Variants in SOX6 observed in about 807,000 individuals in gnomAD.
SOX6 encodes SRY-box transcription factor 6, also known as transcription factor SOX-6.
SOX6 carries 11 observed loss-of-function variants against 97.8 expected under a neutral mutation model. The observed-to-expected ratio is 0.11, with a 90% CI of 0.07 to 0.19. The LOEUF (loss-of-function observed/expected upper bound fraction) is 0.19. SOX6 is among the 10% of genes least tolerant of loss of function. SOX6 has a pLI of 1.00. For missense variants in SOX6, 810 were observed against 1,039.5 expected, an observed-to-expected ratio of 0.78 and a Z score of 3.04; for synonymous variants, 360 against 371.4, an observed-to-expected ratio of 0.97 and a Z score of 0.35.
intron 6 of SOX6, among the ~76,000 whole-genome samples, chr11:16,153,147 G>GA (rs1327299472): frequency 6.6e-6 from 1 of 152,092 alleles, no homozygotes; most frequent in African/African-American, 2.4e-5. Context: ...TTACAGGCAT[G>GA]AGCCACCATG....
chr11:16,078,894 T>C (rs1286273822), intron 9 of SOX6, among the ~76,000 whole-genome samples: 3 of 152,058 alleles, frequency 2.0e-5, no homozygotes, highest in Non-Finnish European at 4.4e-5. Flanking sequence ...GCTTGGAATG[T>C]TTGAGGAATA....
intron 4 of SOX6, among the ~76,000 whole-genome samples, chr11:16,197,298 G>C (rs1202241118): frequency 6.6e-6 from 1 of 152,050 alleles, no homozygotes; most frequent in Non-Finnish European, 1.5e-5. Context: ...CATCCTAGTG[G>C]GTGTGGCTGT....
At chr11:16,218,825 T>C (rs949057814) in intron 4 of SOX6, among the ~76,000 whole-genome samples, 10 of 152,080 alleles carry the variant, frequency 6.6e-5, no homozygotes, top group African/African-American at 2.4e-4. Context: ...CCTCCTTTCA[T>C]TTAATACTTG....
chr11:16,602,550 C>T (rs1323353834), intron 4 of SOX6, among the ~76,000 whole-genome samples: 2 of 152,142 alleles, frequency 1.3e-5, no homozygotes, highest in African/African-American at 4.8e-5. Flanking sequence ...CATGTGCTCA[C>T]ATATGTGTAT....
At position 16,580,112 on chromosome 11, in the gene SOX6, T is replaced by C. The variant is rs141390937; in HGVS notation, n.609+31969A>G. Among the ~76,000 whole-genome samples, 689 of 152,286 alleles carry C rather than the reference T, an allele frequency of 4.5e-3. 5 individuals are homozygous for C. Among genetic ancestry groups the C allele is most frequent in the Middle Eastern group, 0.031 (9 of 294 alleles). The stretch of plus-strand genomic sequence containing the variant: ...AGCCAGCAGCACTGATGAAAAGCAG[T>C]AAAGACATTACCTGGGTCATTGATT... On this transcript the variant is annotated intron_variant and non_coding_transcript_variant, in intron 4 of 5. Transcript: ENST00000524520.
At chr11:16,375,307 A>AT (rs1242457950) in intron 1 of SOX6, among the ~76,000 whole-genome samples, 3 of 152,070 alleles carry the variant, frequency 2.0e-5, no homozygotes, top group African/African-American at 4.8e-5. Flanking sequence ...TTGAAATCAG[A>AT]TTTTTTGCAT....
At chr11:16,462,849 G>T (rs1370423812) in intron 1 of SOX6, among the ~76,000 whole-genome samples, 1 of 152,206 alleles carries the variant, frequency 6.6e-6, no homozygotes, top group Non-Finnish European at 1.5e-5. Flanking sequence ...TTAAGGGTCA[G>T]TTGCAGAGAA....
At chr11:16,012,847 TA>T (rs1854773737) in intron 13 of SOX6, among the ~76,000 whole-genome samples, 1 of 151,956 alleles carries the variant, frequency 6.6e-6, no homozygotes, top group African/African-American at 2.4e-5. Flanking sequence ...AAAATGTGGG[TA>T]AAAGGCGTAA....
intron 3 of SOX6, among the ~76,000 whole-genome samples, chr11:16,663,993 T>A (rs1171272178): frequency 6.6e-6 from 1 of 152,134 alleles, no homozygotes; most frequent in Non-Finnish European, 1.5e-5. Flanking sequence ...AAGACTCCAC[T>A]GGCCAGGTGT....
chr11:16,131,368 T>C (rs1849735626), intron 6 of SOX6, among the ~76,000 whole-genome samples: 1 of 151,836 alleles, frequency 6.6e-6, no homozygotes, highest in Non-Finnish European at 1.5e-5. Flanking sequence ...ACATCACCCA[T>C]CACCCAAGAA....
chr11:16,198,326 T>G, intron 4 of SOX6, among the ~76,000 whole-genome samples: 1 of 150,478 alleles, frequency 6.6e-6, no homozygotes, highest in East Asian at 2.0e-4. Flanking sequence ...TCCACCCACC[T>G]TGGCCTCCCA....
chr11:16,436,808 A>G (rs1284308375), intron 1 of SOX6, among the ~76,000 whole-genome samples: 2 of 152,170 alleles, frequency 1.3e-5, no homozygotes, highest in Admixed American at 1.3e-4. Flanking sequence ...ACTGTCTGAC[A>G]TCTCCACATA....
At chr11:16,340,123 ATG>A (rs1856585630) in intron 2 of SOX6, among the ~76,000 whole-genome samples, 1 of 152,076 alleles carries the variant, frequency 6.6e-6, no homozygotes, top group African/African-American at 2.4e-5. Flanking sequence ...GAATTTAAAT[ATG>A]TGTTATTAGT....
chr11:16,667,619 A>T (rs1285216249), intron 3 of SOX6, among the ~76,000 whole-genome samples: 2 of 152,112 alleles, frequency 1.3e-5, no homozygotes, highest in Non-Finnish European at 2.9e-5. Context: ...GGAAATAAAG[A>T]CTTTCTCAGA....
intron 3 of SOX6, among the ~76,000 whole-genome samples, chr11:16,294,735 TTTTA>T (rs1235302394): frequency 3.3e-5 from 5 of 152,074 alleles, no homozygotes; most frequent in Admixed American, 1.3e-4. Flanking sequence ...AAAAAATTGT[TTTTA>T]TTTGTCATTA....
At chr11:16,380,691 ACCACTT>A (rs1857785226) in intron 1 of SOX6, among the ~76,000 whole-genome samples, 1 of 152,136 alleles carries the variant, frequency 6.6e-6, no homozygotes, top group Non-Finnish European at 1.5e-5. Flanking sequence ...TAATGATGAA[ACCACTT>A]ACATGTCAAC....
chr11:16,153,894 C>G lies in SOX6; in HGVS notation c.777+29992G>C, dbSNP rs190517219. Among the ~76,000 whole-genome samples the G allele has an allele frequency of 1.0e-3, 154 of 152,218 alleles. 1 individual carries two copies. The Middle Eastern group carries it at 0.014, about 14-fold the overall frequency. On this transcript the variant is annotated intron_variant, in intron 6 of 15. Transcript: ENST00000683767. ...TATAATGAAGTTTAACTTCTTTTCT[C>G]TGGAGAGTACCACACAATCTTATTA...
In SOX6 at chr11:16,560,598, C is replaced by CATAT. The variant is rs1565180729; in HGVS notation, n.609+51482_609+51483insATAT. ...ATACGTACATATATGTTTATACGTA[C>CATAT]ATGTATGTTTATACGTACATATATG... On this transcript the variant is annotated intron_variant and non_coding_transcript_variant, in intron 4 of 5. Coordinates refer to the SOX6 transcript ENST00000524520. Among the ~76,000 whole-genome samples, 15 of 111,896 alleles carry CATAT rather than the reference C, an allele frequency of 1.3e-4. 2 individuals are homozygous for CATAT. Among genetic ancestry groups the CATAT allele is most frequent in the East Asian group, 4.3e-4 (2 of 4,604 alleles). 73.4% of individuals were successfully genotyped at this position (111,896 alleles called of 152,430 possible).
intron 7 of SOX6, among the ~76,000 whole-genome samples, chr11:16,098,570 A>G (rs1390710810): frequency 6.6e-6 from 1 of 151,866 alleles, no homozygotes; most frequent in African/African-American, 2.4e-5. Flanking sequence ...GGAGAAACAT[A>G]TCATGACAGA....
Sources: allele counts gnomAD v4.1 joint callset (sites outside exome capture counted in the v4.1 genomes callset), GRCh38; gene constraint gnomAD v4.1.1; transcripts MANE v1.5; gene names NCBI Gene and HGNC (gene_info 2026-07-23, HGNC 2026-07-21).